DPP6: variants seen among roughly 807,000 people sequenced by gnomAD.
DPP6 encodes dipeptidyl peptidase like 6.
In DPP6, 69 loss-of-function variants were observed where a neutral mutation model predicts 122.6. The observed-to-expected ratio is 0.56, with a 90% CI of 0.46 to 0.69. The LOEUF is 0.69. Among genes scored for constraint, DPP6 ranks in the 30% least tolerant of loss-of-function variants. DPP6 has a pLI of 0.00. For synonymous variants in DPP6, 418 were observed against 433.1 expected (o/e 0.97, Z 0.43); for missense variants, 928 against 1,116.9 (o/e 0.83, Z 2.41).
At chr7:153,904,809 C>T (rs1258408432) in intron 1 of DPP6, among the ~76,000 whole-genome samples, 1 of 152,330 alleles carries the variant, frequency 6.6e-6, no homozygotes, top group South Asian at 2.1e-4. Context: ...AAAGCTTCTC[C>T]TTTGCCTTCT....
chr7:153,759,038 T>C, the DPP6 span, among the ~76,000 whole-genome samples: 2 of 151,310 alleles, frequency 1.3e-5, no homozygotes, highest in Non-Finnish European at 3.0e-5. Flanking sequence ...TTGCCCACAC[T>C]CAAGATAATC....
intron 1 of DPP6, among the ~76,000 whole-genome samples, chr7:154,252,992 A>G (rs1802442624): frequency 6.6e-6 from 1 of 152,224 alleles, no homozygotes; most frequent in Non-Finnish European, 1.5e-5. Context: ...AAGATAATGC[A>G]AGGAATATTG....
chr7:154,781,848 A>G (rs1188239552), intron 10 of DPP6, among the ~76,000 whole-genome samples: 1 of 152,194 alleles, frequency 6.6e-6, no homozygotes, highest in Non-Finnish European at 1.5e-5. Flanking sequence ...CTGTCAGAAC[A>G]TTTGCCAGGA....
chr7:154,537,487 G>A (rs1828351554), intron 3 of DPP6, among the ~76,000 whole-genome samples: 1 of 151,992 alleles, frequency 6.6e-6, no homozygotes, highest in Admixed American at 6.6e-5. Context: ...TAACTTGTAA[G>A]GTTAAGATTC....
chr7:154,419,781 T>G (rs1488150522), intron 1 of DPP6, among the ~76,000 whole-genome samples: 1 of 152,200 alleles, frequency 6.6e-6, no homozygotes, highest in African/African-American at 2.4e-5. Context: ...GAGGAACCTC[T>G]ATACTCTTTT....
chr7:154,668,871 CCTCT>C (rs1196077002), intron 6 of DPP6, among the ~76,000 whole-genome samples: 1 of 151,830 alleles, frequency 6.6e-6, no homozygotes, highest in Non-Finnish European at 1.5e-5. Flanking sequence ...CCCCTTCCTC[CCTCT>C]CTCTCTCGAC....
At chr7:154,341,060 C>T (rs184589494) in intron 1 of DPP6, among the ~76,000 whole-genome samples, 2 of 152,250 alleles carry the variant, frequency 1.3e-5, no homozygotes, top group East Asian at 3.9e-4. Context: ...ATTCAAGGCT[C>T]CTGGCAGAGA....
intron 1 of DPP6, among the ~76,000 whole-genome samples, chr7:154,174,677 C>A (rs1420061822): frequency 6.6e-6 from 1 of 152,092 alleles, no homozygotes; most frequent in Non-Finnish European, 1.5e-5. Context: ...GCAGACAAAT[C>A]GATATCTCCA....
intron 1 of DPP6, among the ~76,000 whole-genome samples, chr7:154,133,342 A>G (rs906224138): frequency 2.0e-5 from 3 of 152,060 alleles, no homozygotes; most frequent in African/African-American, 7.2e-5. Flanking sequence ...GGATTAGTCA[A>G]TGTGAGGGTG....
intron 1 of DPP6, among the ~76,000 whole-genome samples, chr7:154,371,008 G>A (rs1044784161): frequency 2.6e-5 from 4 of 152,144 alleles, no homozygotes; most frequent in Admixed American, 2.6e-4. Flanking sequence ...CCCTCTGTTT[G>A]ATTCAAAGGT....
At chr7:154,032,139 G>T (rs1232486025) in intron 1 of DPP6, among the ~76,000 whole-genome samples, 5 of 151,818 alleles carry the variant, frequency 3.3e-5, no homozygotes, top group Admixed American at 6.6e-5. Flanking sequence ...CTCCCAAAGT[G>T]CTGGGATTAC....
intron 1 of DPP6, among the ~76,000 whole-genome samples, chr7:154,384,721 C>T (rs573818811): frequency 7.2e-5 from 7 of 96,820 alleles, no homozygotes; most frequent in African/African-American, 2.1e-4. Flanking sequence ...TTCTTTTTTT[C>T]TTTCTTTCTT....
At chr7:154,508,237 C>T (rs28664202) in intron 3 of DPP6, among the ~76,000 whole-genome samples, 10,282 of 152,166 alleles carry the variant, frequency 0.068, 416 homozygotes, top group Admixed American at 0.14. Flanking sequence ...ATCTTGTTAT[C>T]TTATACCTGG....
the DPP6 span, among the ~76,000 whole-genome samples, chr7:153,857,477 T>G: frequency 1.1e-4 from 17 of 152,214 alleles, 1 homozygote; most frequent in Admixed American, 9.8e-4. Context: ...CTTGAAAAAT[T>G]TCCTCTCTGC....
intron 1 of DPP6, among the ~76,000 whole-genome samples, chr7:153,903,832 A>C (rs1799738381): frequency 6.6e-6 from 1 of 152,114 alleles, no homozygotes; most frequent in African/African-American, 2.4e-5. Context: ...TGTTTTCAGT[A>C]CTTTGTTCTC....
At chr7:154,381,511 C>G (rs1432947005) in intron 1 of DPP6, among the ~76,000 whole-genome samples, 1 of 152,110 alleles carries the variant, frequency 6.6e-6, no homozygotes, top group Non-Finnish European at 1.5e-5. Context: ...GTATACACAT[C>G]TATAATGTAT....
intron 1 of DPP6, among the ~76,000 whole-genome samples, chr7:154,319,423 G>GT (rs1165866345): frequency 3.3e-5 from 5 of 152,324 alleles, no homozygotes; most frequent in African/African-American, 1.2e-4. Flanking sequence ...ACTGGGCATG[G>GT]TGATTCATGC....
chr7:153,914,024 G>T (rs1264695856), intron 1 of DPP6, among the ~76,000 whole-genome samples: 2 of 152,146 alleles, frequency 1.3e-5, no homozygotes, highest in African/African-American at 2.4e-5. Flanking sequence ...TAACGGTTTG[G>T]CTGTATCCCC....
At chr7:154,430,554 C>T (rs758134609) in intron 1 of DPP6, among the ~76,000 whole-genome samples, 30 of 152,270 alleles carry the variant, frequency 2.0e-4, no homozygotes, top group Non-Finnish European at 4.0e-4. Context: ...CCTGAAGGCC[C>T]CCCTCCTAGT....
Sources: allele counts gnomAD v4.1 joint callset (sites outside exome capture counted in the v4.1 genomes callset), GRCh38; gene constraint gnomAD v4.1.1; transcripts MANE v1.5; gene names NCBI Gene and HGNC (gene_info 2026-07-23, HGNC 2026-07-21).